BACE1-AS: variants seen among roughly 807,000 people sequenced by gnomAD.
BACE1-AS encodes the protein BACE1 antisense RNA, also known as BACE1 antisense RNA (non-protein coding).
intron 2 of BACE1-AS, chr11:117,291,883 T>C: frequency 8.2e-7 from 1 of 1,223,968 alleles, no homozygotes; most frequent in Non-Finnish European, 1.2e-6. Flanking sequence ...AGTAGGGGGT[T>C]ACTGCTGGGG....
At chr11:117,291,631 G>T in intron 1 of BACE1-AS, 1 of 1,017,566 alleles carries the variant, frequency 9.8e-7, no homozygotes. Flanking sequence ...AGACATCTTG[G>T]CTGTTGCTGA....
chr11:117,292,006 T>C (rs2034453730), intron 2 of BACE1-AS: 2 of 441,294 alleles, frequency 4.5e-6, no homozygotes, highest in Non-Finnish European at 4.2e-6. Flanking sequence ...AAATAGCACC[T>C]ACCTCAAAGG....
In BACE1-AS at chr11:117,291,651, C is replaced by T. The variant is rs1392603778; in HGVS notation, n.57-52C>T. 4.1e-6 allele frequency: 5 copies of T among 1,231,244 alleles called. No individual in the cohort carries two copies. In the South Asian group the frequency reaches 4.9e-5, roughly 12 times the overall value. The allele number at this position is 1,231,244 out of a possible 1,614,324, so 76.3% of individuals were successfully genotyped here. ...TCTTGGCTGTTGCTGAAGAATGTGACTCTCACCGCCTCCCTCTGACACTGT... is the reference window on the plus strand; with the variant it reads ...TCTTGGCTGTTGCTGAAGAATGTGATTCTCACCGCCTCCCTCTGACACTGT... On this transcript the variant is annotated intron_variant and non_coding_transcript_variant, in intron 1 of 3. Transcript: ENST00000614401.
At chr11:117,292,170 A>ACTTTT in intron 2 of BACE1-AS, 1 of 144,522 alleles carries the variant, frequency 6.9e-6, no homozygotes, top group Non-Finnish European at 1.5e-5. Context: ...AGTGCTTTTA[A>ACTTTT]CTTTTCTTTT....
intron 2 of BACE1-AS, chr11:117,291,773 T>C: frequency 6.2e-7 from 1 of 1,613,482 alleles, no homozygotes. Flanking sequence ...CAAACGAAGG[T>C]TGGTGGTGCC....
At chr11:117,291,880 G>T in intron 2 of BACE1-AS, 1 of 1,238,062 alleles carries the variant, frequency 8.1e-7, no homozygotes, top group Non-Finnish European at 1.2e-6. Context: ...GGCAGTAGGG[G>T]GTTACTGCTG....
chr11:117,291,711 C>A, exon 2 of BACE1-AS: 2 of 1,609,564 alleles, frequency 1.2e-6, no homozygotes, highest in Non-Finnish European at 1.7e-6. Flanking sequence ...AGTCCACTCA[C>A]GGAGGAGGCT....
At chr11:117,291,850 G>T in intron 2 of BACE1-AS, 2 of 1,522,304 alleles carry the variant, frequency 1.3e-6, no homozygotes, top group Non-Finnish European at 1.8e-6. Flanking sequence ...GAGTCAAAAG[G>T]TTTTTGATGC....
intron 2 of BACE1-AS, chr11:117,291,848 AG>A: frequency 6.5e-7 from 1 of 1,538,796 alleles, no homozygotes; most frequent in South Asian, 1.1e-5. Context: ...AAGAGTCAAA[AG>A]GTTTTTGATG....
chr11:117,291,574 C>T (rs1447800692), intron 1 of BACE1-AS: 1 of 615,936 alleles, frequency 1.6e-6, no homozygotes, highest in South Asian at 2.0e-5. Flanking sequence ...CCACGCCTGG[C>T]TAGGGGAAGA....
chr11:117,291,689 A>C, intron 1 of BACE1-AS: 1 of 1,546,296 alleles, frequency 6.5e-7, no homozygotes, highest in Non-Finnish European at 8.9e-7. Flanking sequence ...CATCTCTTTT[A>C]CCCCCATCCT....
intron 1 of BACE1-AS, among the ~76,000 whole-genome samples, chr11:117,291,403 G>C (rs1256635990): frequency 6.6e-6 from 1 of 151,956 alleles, no homozygotes; most frequent in Non-Finnish European, 1.5e-5. Context: ...TCAGCCCCCT[G>C]AGTAGCTAGG....
At chr11:117,291,986 G>A in intron 2 of BACE1-AS, 1 of 481,542 alleles carries the variant, frequency 2.1e-6, no homozygotes, top group East Asian at 3.4e-5. Context: ...CATCTCTAAA[G>A]TGAGGATAAA....
At chr11:117,291,541 G>T (rs1244454765) in intron 1 of BACE1-AS, among the ~76,000 whole-genome samples, 1 of 152,210 alleles carries the variant, frequency 6.6e-6, no homozygotes, top group Non-Finnish European at 1.5e-5. Context: ...CTCCCAAAGT[G>T]CTGGGATTAC....
At chr11:117,291,366 G>A (rs1050432058) in intron 1 of BACE1-AS, among the ~76,000 whole-genome samples, 3 of 150,616 alleles carry the variant, frequency 2.0e-5, no homozygotes, top group East Asian at 4.0e-4. Context: ...AACCTCCACC[G>A]TCCTGAGTTA....
chr11:117,291,865 C>G, intron 2 of BACE1-AS: 2 of 1,423,192 alleles, frequency 1.4e-6, no homozygotes, highest in Non-Finnish European at 2.0e-6. Flanking sequence ...TGATGCTGGG[C>G]TCTGGGCAGT....
At chr11:117,291,691 C>T in intron 1 of BACE1-AS, 2 of 1,558,030 alleles carry the variant, frequency 1.3e-6, no homozygotes, top group Non-Finnish European at 1.8e-6. Flanking sequence ...TCTCTTTTAC[C>T]CCCATCCTTA....
At chr11:117,291,638 C>G in intron 1 of BACE1-AS, 1 of 1,100,478 alleles carries the variant, frequency 9.1e-7, no homozygotes, top group Non-Finnish European at 1.4e-6. Context: ...TTGGCTGTTG[C>G]TGAAGAATGT....
At chr11:117,291,718 G>A (rs556962526) in exon 2 of BACE1-AS, 69 of 1,611,626 alleles carry the variant, frequency 4.3e-5, no homozygotes, top group Admixed American at 1.3e-4. Context: ...TCACGGAGGA[G>A]GCTGCCTTGA....
Sources: allele counts gnomAD v4.1 joint callset (sites outside exome capture counted in the v4.1 genomes callset), GRCh38; gene constraint gnomAD v4.1.1; transcripts MANE v1.5; gene names NCBI Gene and HGNC (gene_info 2026-07-23, HGNC 2026-07-21).